The following CACNA2D3 variants were observed in gnomAD, a reference collection of about 807,000 sequenced individuals.
CACNA2D3 encodes calcium voltage-gated channel auxiliary subunit alpha2delta 3.
Under a neutral mutation model 160.6 loss-of-function variants are expected in CACNA2D3, and 60 were observed. The ratio of observed to expected loss-of-function variants is 0.37; its 90% CI spans 0.30 to 0.46. The LOEUF (loss-of-function observed/expected upper bound fraction) is 0.46, where lower values mean the gene tolerates loss of function less well. Among genes scored for constraint, CACNA2D3 ranks in the 20% least tolerant of loss-of-function variants. CACNA2D3 has a pLI of 1.00. For missense variants in CACNA2D3, 1,205 were observed against 1,365.0 expected, an observed-to-expected ratio of 0.88 and a Z score of 1.85; for synonymous variants, 558 against 492.9, an observed-to-expected ratio of 1.13 and a Z score of -1.75.
intron 11 of CACNA2D3, among the ~76,000 whole-genome samples, chr3:54,651,203 C>T (rs1196687256): frequency 6.6e-6 from 1 of 152,102 alleles, no homozygotes; most frequent in African/African-American, 2.4e-5. Flanking sequence ...CTCCTGCCCC[C>T]AAGTACAGGA....
At chr3:54,280,031 T>G (rs962563147) in intron 2 of CACNA2D3, among the ~76,000 whole-genome samples, 2 of 152,092 alleles carry the variant, frequency 1.3e-5, no homozygotes, top group African/African-American at 4.8e-5. Context: ...TAAGCATAAG[T>G]GAAACCAACA....
intron 35 of CACNA2D3, among the ~76,000 whole-genome samples, chr3:55,032,832 C>T (rs192809778): frequency 6.6e-6 from 1 of 151,720 alleles, no homozygotes; most frequent in African/African-American, 2.4e-5. Context: ...CATGTTAATT[C>T]CTGTGTTCCT....
chr3:54,664,323 T>G (rs558467883), intron 11 of CACNA2D3, among the ~76,000 whole-genome samples: 14 of 152,338 alleles, frequency 9.2e-5, no homozygotes, highest in Admixed American at 5.2e-4. Context: ...CAAGGTCTCC[T>G]TGTATCCTGG....
intron 14 of CACNA2D3, among the ~76,000 whole-genome samples, chr3:54,828,855 A>G (rs1392331661): frequency 1.3e-5 from 2 of 152,252 alleles, no homozygotes; most frequent in Non-Finnish European, 2.9e-5. Context: ...AAGAGGGAAA[A>G]TGTTTTGGCT....
At chr3:54,227,567 G>A (rs1206692079) in intron 2 of CACNA2D3, among the ~76,000 whole-genome samples, 1 of 151,710 alleles carries the variant, frequency 6.6e-6, no homozygotes, top group African/African-American at 2.4e-5. Flanking sequence ...TTGGGGAGGG[G>A]GCGGGGGGGC....
intron 35 of CACNA2D3, among the ~76,000 whole-genome samples, chr3:55,044,612 C>G (rs1366525859): frequency 6.6e-6 from 1 of 151,178 alleles, no homozygotes; most frequent in Admixed American, 6.6e-5. Context: ...TTTTTTTTCT[C>G]TCTCTCTTAT....
intron 13 of CACNA2D3, among the ~76,000 whole-genome samples, chr3:54,772,040 A>T (rs1235713218): frequency 6.6e-6 from 1 of 151,752 alleles, no homozygotes; most frequent in Non-Finnish European, 1.5e-5. Flanking sequence ...TCTTTGTTAT[A>T]TTGCAGTCTG....
At chr3:54,409,100 A>G (rs937515563) in intron 4 of CACNA2D3, among the ~76,000 whole-genome samples, 7 of 152,202 alleles carry the variant, frequency 4.6e-5, no homozygotes, top group Non-Finnish European at 5.9e-5. Flanking sequence ...ATTGCCCATC[A>G]CAGATACTGT....
intron 4 of CACNA2D3, among the ~76,000 whole-genome samples, chr3:54,464,963 G>C (rs932328629): frequency 2.0e-5 from 3 of 151,992 alleles, no homozygotes; most frequent in African/African-American, 7.2e-5. Flanking sequence ...TCTCCTTTTT[G>C]AACTTCCATA....
At chr3:55,069,039 G>A (rs1299435581) in intron 35 of CACNA2D3, among the ~76,000 whole-genome samples, 19 of 152,062 alleles carry the variant, frequency 1.2e-4, no homozygotes, top group Non-Finnish European at 4.4e-5. Flanking sequence ...TTTTACCCAT[G>A]TCCTAGTCAA....
intron 11 of CACNA2D3, among the ~76,000 whole-genome samples, chr3:54,696,529 G>A (rs945037670): frequency 5.3e-5 from 8 of 152,292 alleles, no homozygotes; most frequent in African/African-American, 1.9e-4. Flanking sequence ...TGTTCAGGAT[G>A]TGGTTATCAG....
At chr3:54,993,904 GTGTGTGTGTGTGTGTGTTT>G (rs1248830579) in intron 31 of CACNA2D3, among the ~76,000 whole-genome samples, 3 of 146,168 alleles carry the variant, frequency 2.1e-5, no homozygotes, top group Non-Finnish European at 4.5e-5. Flanking sequence ...GTGTGTGTGT[GTGTGTGTGTGTGTGTGTTT>G]TGTGTGTGTG....
At chr3:54,951,094 C>T (rs1254835117) in intron 27 of CACNA2D3, among the ~76,000 whole-genome samples, 1 of 152,150 alleles carries the variant, frequency 6.6e-6, no homozygotes, top group Non-Finnish European at 1.5e-5. Context: ...ATCTACAGAA[C>T]GCTCCAACTA....
intron 35 of CACNA2D3, among the ~76,000 whole-genome samples, chr3:55,039,552 T>G (rs358495): frequency 0.065 from 9,918 of 152,276 alleles, 1,072 homozygotes; most frequent in African/African-American, 0.23. Flanking sequence ...AACAACTTTC[T>G]CGTCTTTGGC....
At chr3:54,651,650 C>A (rs1699766575) in intron 11 of CACNA2D3, among the ~76,000 whole-genome samples, 1 of 152,114 alleles carries the variant, frequency 6.6e-6, no homozygotes, top group South Asian at 2.1e-4. Flanking sequence ...GTGTCACATG[C>A]ATCTTCGAGG....
rs1703871161 is a variant in CACNA2D3 at position 54,316,748 on chromosome 3, C to G, written c.205-3694C>G. Among the ~76,000 whole-genome samples the G allele has an allele frequency of 2.0e-5, 3 of 152,060 alleles. No individual in the cohort carries two copies. In the South Asian group the frequency reaches 6.2e-4, roughly 32 times the overall value. On this transcript the variant is annotated intron_variant, in intron 2 of 37. Coordinates refer to ENST00000474759, the MANE Select transcript of CACNA2D3 (RefSeq NM_018398.3). ...GGGGCTTCTGTTCACAGAGCAGACT[C>G]AGAAGAAAAAAGTGGGATATAGGAA...
chr3:54,243,936 C>G (rs915049986), intron 2 of CACNA2D3, among the ~76,000 whole-genome samples: 1 of 152,160 alleles, frequency 6.6e-6, no homozygotes, highest in Admixed American at 6.6e-5. Context: ...TTGCACAATG[C>G]TAGTCTGTAG....
In CACNA2D3 at chr3:54,486,511, C is replaced by T. The variant is rs180713882; in HGVS notation, c.382-16981C>T. Among the ~76,000 whole-genome samples, 45 of 152,274 alleles carry T rather than the reference C, an allele frequency of 3.0e-4. 1 individual carries two copies. Among genetic ancestry groups the T allele is most frequent in the Admixed American group, 2.7e-3 (41 of 15,294 alleles). ...GTATTGACTCACTAATCTAGGCGTT[C>T]CAAGATGTGACTGCCTTTCAGTATG... On this transcript the variant is annotated intron_variant, in intron 4 of 37. Coordinates refer to ENST00000474759, the MANE Select transcript of CACNA2D3 (RefSeq NM_018398.3).
At chr3:54,123,329 G>A in intron 1 of CACNA2D3, 184 bp from the exon 2 acceptor site, 1 of 592,530 alleles carries the variant, frequency 1.7e-6, no homozygotes, top group South Asian at 2.2e-5. Flanking sequence ...CCCCTCCCGC[G>A]CTGCGCTTTG....
Sources: allele counts gnomAD v4.1 joint callset (sites outside exome capture counted in the v4.1 genomes callset), GRCh38; gene constraint gnomAD v4.1.1; transcripts MANE v1.5; gene names NCBI Gene and HGNC (gene_info 2026-07-23, HGNC 2026-07-21).